The following AHCTF1 variants were observed in gnomAD, a reference collection of about 807,000 sequenced individuals.
The protein encoded by AHCTF1 is AT-hook containing transcription factor 1, also known as protein ELYS.
AHCTF1 carries 24 observed loss-of-function variants against 248.4 expected under a neutral mutation model. That is an observed-to-expected ratio of 0.10 (90% confidence interval 0.07 to 0.14). AHCTF1 has a LOEUF of 0.14. Among genes scored for constraint, AHCTF1 ranks in the 10% least tolerant of loss-of-function variants. AHCTF1 has a pLI of 1.00. For synonymous variants in AHCTF1, 786 were observed against 929.8 expected, an observed-to-expected ratio of 0.85 and a Z score of 2.81; for missense variants, 2,206 against 2,636.2, an observed-to-expected ratio of 0.84 and a Z score of 3.57.
At position 246,850,469 on chromosome 1, in the gene AHCTF1, G is replaced by A. The variant is rs772750447; in HGVS notation, c.5537C>T (p.Ser1846Leu). Residue 1846 changes from serine to leucine, a missense_variant, in exon 33 of 36, where the codon TCA (serine) becomes TTA (leucine). By Grantham distance (145) the Ser-to-Leu change is moderately radical. Transcript: ENST00000648844. ...TTGRESKRLK[S>L]SQLLEPAVEE... is the part of the protein sequence containing the mutation. The stretch of plus-strand genomic sequence containing the variant: ...AACTGCTGGTTCCAACAGCTGAGAT[G>A]ATTTTAATCTTTTTGATTCCCTACC... The A allele has an allele frequency of 1.3e-6, 2 of 1,594,758 alleles. No individual in the cohort carries two copies. The highest frequency in any genetic ancestry group is 1.7e-6 in the Non-Finnish European group (2 of 1,172,742).
intron 12 of AHCTF1, 136 bp from the exon 13 acceptor site, chr1:246,896,061 G>A: frequency 1.6e-6 from 1 of 611,122 alleles, no homozygotes; most frequent in Admixed American, 2.9e-5. Flanking sequence ...ATAATCAAAA[G>A]ACAATAACAA....
chr1:246,842,078 CCA>C (rs1393504392), intron 35 of AHCTF1, among the ~76,000 whole-genome samples: 1 of 151,842 alleles, frequency 6.6e-6, no homozygotes, highest in African/African-American at 2.4e-5. Flanking sequence ...CAGGCGTGAG[CCA>C]CCACGCCCGA....
intron 35 of AHCTF1, among the ~76,000 whole-genome samples, chr1:246,842,299 A>G (rs1163259979): frequency 6.6e-6 from 1 of 152,052 alleles, no homozygotes; most frequent in Non-Finnish European, 1.5e-5. Flanking sequence ...TTACAGAACA[A>G]GGCTGGGTGC....
intron 21 of AHCTF1, among the ~76,000 whole-genome samples, chr1:246,878,396 C>CAAAAAAAAAAAAAAAAAAAAA (rs1199465751): frequency 3.2e-5 from 1 of 30,784 alleles, no homozygotes; most frequent in Non-Finnish European, 5.8e-5. Flanking sequence ...GATTCTGTCT[C>CAAAAAAAAAAAAAAAAAAAAA]AAAAAAAAAA....
chr1:246,868,383 A>C, intron 24 of AHCTF1, among the ~76,000 whole-genome samples: 1 of 146,094 alleles, frequency 6.8e-6, no homozygotes, highest in East Asian at 1.9e-4. Flanking sequence ...GGCCTCCCAA[A>C]GTGCTGGGAT....
At chr1:246,926,046 TA>T (rs35982364) in intron 1 of AHCTF1, among the ~76,000 whole-genome samples, 26,621 of 121,162 alleles carry the variant, frequency 0.22, 2,812 homozygotes, top group Admixed American at 0.25. Flanking sequence ...ACCCTGTCTT[TA>T]AAAAAAAAAA....
Position 246,850,790 on chromosome 1 carries a change from G to C in AHCTF1, c.5216C>G (p.Thr1739Ser). 1 of 1,613,814 alleles carries C rather than the reference G, an allele frequency of 6.2e-7. No homozygotes were observed. Among genetic ancestry groups the C allele is most frequent in the South Asian group, 1.1e-5 (1 of 91,068 alleles). ...SQVDDVVSSK[T>S]RTRGQRIQNV... Reference sequence around the variant, plus strand: ...TTGGATACGTTGACCTCTCGTACGAGTTTTGGAGGAAACCACGTCATCAAC... The same window carrying C: ...TTGGATACGTTGACCTCTCGTACGACTTTTGGAGGAAACCACGTCATCAAC... Residue 1739 changes from threonine (T) to serine (S), a missense_variant, in exon 33 of 36, where the codon ACT (threonine) becomes AGT (serine). By Grantham distance (58) the Thr-to-Ser change is moderately conservative (BLOSUM62 1). Coordinates refer to ENST00000648844, the MANE Select transcript of AHCTF1 (RefSeq NM_001323342.2).
Position 246,900,243 on chromosome 1 carries a change from T to A in AHCTF1, c.1254A>T (p.Ser418=). 1 of 1,588,286 alleles carries A rather than the reference T, an allele frequency of 6.3e-7. No homozygotes were observed. The highest frequency in any genetic ancestry group is 8.5e-7 in the Non-Finnish European group (1 of 1,172,094). The part of the protein sequence containing the change: ...YHAQMPDSLR[S]GEYLHNCSYF... ...AAGAGCAATTATGTAGATATTCTCC[T>A]GACCTAAAAGAAAATTTAAAACATT... Residue 418 remains serine (S), a synonymous_variant, in exon 10 of 36, where the codon TCA becomes TCT. Transcript: ENST00000648844.
At chr1:246,896,074 A>G (rs1472676075) in intron 12 of AHCTF1, 149 bp from the exon 13 acceptor site, 3 of 594,160 alleles carry the variant, frequency 5.0e-6, no homozygotes, top group Non-Finnish European at 9.0e-6. Flanking sequence ...AATAACAAGC[A>G]TGGTAAGGAC....
At chr1:246,843,689 A>G in intron 34 of AHCTF1, 106 bp downstream of exon 34, 1 of 952,396 alleles carries the variant, frequency 1.0e-6, no homozygotes. Context: ...AATAATAAAC[A>G]AAATTTAAAA....
chr1:246,841,590 A>G (rs1018905327), intron 35 of AHCTF1, among the ~76,000 whole-genome samples: 2 of 152,188 alleles, frequency 1.3e-5, no homozygotes, highest in African/African-American at 4.8e-5. Context: ...TGATCTTCCC[A>G]TGCATGCAGT....
At chr1:246,857,846 T>C (rs1216219087) in intron 29 of AHCTF1, 32 bp from the exon 30 acceptor site, 5 of 1,565,146 alleles carry the variant, frequency 3.2e-6, no homozygotes, top group East Asian at 2.2e-5. Flanking sequence ...ATATTATTTA[T>C]GCTAAATATT....
At chr1:246,853,606 G>T (rs1031166636) in intron 31 of AHCTF1, among the ~76,000 whole-genome samples, 1 of 151,906 alleles carries the variant, frequency 6.6e-6, no homozygotes, top group East Asian at 1.9e-4. Flanking sequence ...GTATTCACCA[G>T]GTGACTACCA....
chr1:246,895,415 G>A (rs1664504523), intron 13 of AHCTF1, among the ~76,000 whole-genome samples: 1 of 152,160 alleles, frequency 6.6e-6, no homozygotes, highest in African/African-American at 2.4e-5. Context: ...TTTGGGGTGT[G>A]TGTGTGTATG....
intron 1 of AHCTF1, chr1:246,931,245 GAAAGGGTCGCGGCCCCGGCCGTCCGT>G (rs1205150674): frequency 6.5e-7 from 1 of 1,549,770 alleles, no homozygotes; most frequent in Non-Finnish European, 8.7e-7. Flanking sequence ...AGAACAGTGG[GAAAGGGTCGCGGCCCCGGCCGTCCGT>G]AAAGGGACCC....
chr1:246,865,332 TTCTA>T (rs775198410), intron 26 of AHCTF1: 1 of 152,204 alleles, frequency 6.6e-6, no homozygotes, highest in Non-Finnish European at 1.5e-5. Context: ...TTCCTTGTCA[TTCTA>T]TCTATCAAAT....
At chr1:246,845,538 T>C (rs1351587698) in intron 33 of AHCTF1, among the ~76,000 whole-genome samples, 2 of 152,198 alleles carry the variant, frequency 1.3e-5, no homozygotes, top group Non-Finnish European at 2.9e-5. Context: ...ATAACTCTCT[T>C]CTAGGCTACC....
rs148019871 is a variant in AHCTF1, at chr1:246,916,339, T to C, written c.178A>G (p.Ile60Val). 7.6e-4 allele frequency: 1,229 copies of C among 1,610,636 alleles called. 8 individuals carry two copies. In the African/African-American group the frequency reaches 0.014, roughly 18 times the overall value. Residue 60 changes from isoleucine (I) to valine (V), a missense_variant, in exon 3 of 36, where the codon ATA (isoleucine) becomes GTA (valine). Physicochemically the swap from Ile to Val is conservative, Grantham distance 29. Around this residue, in one of 6 missense-constraint regions of AHCTF1, gnomAD observed 69 missense variants for 85.4 expected, o/e 0.81. Transcript: ENST00000648844. The stretch of plus-strand genomic sequence containing the variant: ...TAAGCAGACAATCGCTCTCCTGTTA[T>C]AGAGTTTACTACCTCAAGTTGTGGA... Reference protein sequence around the residue: ...CGPQLEVVNSITGERLSAYRF... With the variant: ...CGPQLEVVNSVTGERLSAYRF...
At position 246,850,185 on chromosome 1, in the gene AHCTF1, T is replaced by C; in HGVS notation, c.5821A>G (p.Arg1941Gly). 3.1e-6 allele frequency: 5 copies of C among 1,613,928 alleles called. No homozygotes were observed. Among genetic ancestry groups the C allele is most frequent in the Non-Finnish European group, 4.2e-6 (5 of 1,179,854 alleles). The change falls in exon 33 of 36, where the codon AGA becomes GGA. Residue 1941 changes from arginine to glycine, a missense_variant. Around this residue, in one of 6 missense-constraint regions of AHCTF1, gnomAD observed 469 missense variants for 470.0 expected, o/e 1.00. Coordinates refer to ENST00000648844, the MANE Select transcript of AHCTF1 (RefSeq NM_001323342.2). ...CTCACATCTGATGGACTAACTTCTCTCCCTCTGACCCTTCTAACATGTTTA... is the reference window on the plus strand; with the variant it reads ...CTCACATCTGATGGACTAACTTCTCCCCCTCTGACCCTTCTAACATGTTTA... ...RIKHVRRVRGREVSPSDVRED... is the reference protein window; with the variant it reads ...RIKHVRRVRGGEVSPSDVRED...
Sources: gnomAD v4.1 joint callset for allele counts (sites outside exome capture counted in the v4.1 genomes callset) on GRCh38, gnomAD v4.1.1 for gene constraint, gnomAD v4.1.1 regional missense constraint, MANE v1.5 for transcripts, NCBI Gene and HGNC (gene_info 2026-07-23, HGNC 2026-07-21) for gene names.